RIPOR2: variants seen among roughly 807,000 people sequenced by gnomAD.
RIPOR2 encodes the protein RHO family interacting cell polarization regulator 2, also known as rho family-interacting cell polarization regulator 2.
In RIPOR2, 39 loss-of-function variants were observed where a neutral mutation model predicts 114.5. That is an observed-to-expected ratio of 0.34 (90% CI 0.26 to 0.44). RIPOR2 has a LOEUF of 0.44. RIPOR2 is among the 20% of genes least tolerant of loss of function. The probability of loss-of-function intolerance (pLI) is 1.00; values close to 1 mark genes in which losing one functional copy is unlikely to be tolerated. For missense variants in RIPOR2, 1,007 were observed against 1,255.1 expected, an observed-to-expected ratio of 0.80 and a Z score of 2.99; for synonymous variants, 445 against 484.4, an observed-to-expected ratio of 0.92 and a Z score of 1.07.
intron 1 of RIPOR2, among the ~76,000 whole-genome samples, chr6:24,913,173 GTGTGTA>G (rs768696063): frequency 2.1e-5 from 3 of 140,224 alleles, no homozygotes; most frequent in African/African-American, 5.4e-5. Context: ...GTGTGTGTGT[GTGTGTA>G]TGTGCACATA....
intron 1 of RIPOR2, among the ~76,000 whole-genome samples, chr6:24,933,646 C>T (rs1439038505): frequency 2.0e-5 from 3 of 152,290 alleles, no homozygotes; most frequent in African/African-American, 4.8e-5. Context: ...TGAAGTGCAA[C>T]GCAAACATTA....
At chr6:24,811,272 C>T (rs569856708) in intron 20 of RIPOR2, among the ~76,000 whole-genome samples, 23 of 111,160 alleles carry the variant, frequency 2.1e-4, no homozygotes, top group African/African-American at 8.2e-4. Context: ...GAGTCTCTGT[C>T]GCCCAGGTTG....
At chr6:24,853,271 C>T (rs1263770243) in intron 8 of RIPOR2, among the ~76,000 whole-genome samples, 2 of 152,192 alleles carry the variant, frequency 1.3e-5, no homozygotes, top group Non-Finnish European at 2.9e-5. Flanking sequence ...CTGTGCCATC[C>T]AGCAAGTCAT....
chr6:24,855,823 C>T (rs1383392930), intron 8 of RIPOR2, among the ~76,000 whole-genome samples: 1 of 152,050 alleles, frequency 6.6e-6, no homozygotes, highest in African/African-American at 2.4e-5. Context: ...CACTTGAGCC[C>T]AGGAGTTTGA....
At chr6:25,026,469 G>A (rs1288484851) in intron 1 of RIPOR2, among the ~76,000 whole-genome samples, 1 of 152,148 alleles carries the variant, frequency 6.6e-6, no homozygotes, top group Non-Finnish European at 1.5e-5. Context: ...AAAGCATTTT[G>A]GAAGCTCAAT....
intron 21 of RIPOR2, among the ~76,000 whole-genome samples, chr6:24,808,566 G>A (rs1780924149): frequency 6.6e-6 from 1 of 151,852 alleles, no homozygotes; most frequent in Admixed American, 6.6e-5. Flanking sequence ...ACAATAAATG[G>A]GATTTTCACA....
chr6:25,012,192 G>A (rs1274131059), intron 1 of RIPOR2, among the ~76,000 whole-genome samples: 1 of 152,178 alleles, frequency 6.6e-6, no homozygotes, highest in East Asian at 1.9e-4. Flanking sequence ...ATCCTGGTAA[G>A]ATGGTTAAAC....
At chr6:24,889,210 T>C (rs983067701) in intron 1 of RIPOR2, among the ~76,000 whole-genome samples, 1 of 152,186 alleles carries the variant, frequency 6.6e-6, no homozygotes, top group African/African-American at 2.4e-5. Flanking sequence ...TAGAGCTCAG[T>C]AACTTTGCTT....
chr6:24,840,234 G>A (rs375237888), intron 13 of RIPOR2: 152 of 1,002,660 alleles, frequency 1.5e-4, no homozygotes, highest in East Asian at 1.5e-3. Context: ...ATGAGCCACC[G>A]CACCTGCTCA....
At chr6:24,949,493 T>C (rs1378843935) in intron 1 of RIPOR2, among the ~76,000 whole-genome samples, 2 of 152,198 alleles carry the variant, frequency 1.3e-5, no homozygotes, top group African/African-American at 4.8e-5. Flanking sequence ...CTCAGGGCTT[T>C]TCAGGACATC....
intron 1 of RIPOR2, among the ~76,000 whole-genome samples, chr6:25,035,388 T>C (rs960926752): frequency 2.0e-5 from 3 of 152,184 alleles, no homozygotes; most frequent in Non-Finnish European, 2.9e-5. Flanking sequence ...ATTTTCCTGG[T>C]ATATCCTTCT....
At chr6:25,016,376 G>A (rs1340536655) in intron 1 of RIPOR2, among the ~76,000 whole-genome samples, 6 of 152,204 alleles carry the variant, frequency 3.9e-5, no homozygotes. Flanking sequence ...ATTTAAAGTA[G>A]AGAATAAGGA....
chr6:25,024,445 C>T (rs1776503636), intron 1 of RIPOR2: 1 of 934,304 alleles, frequency 1.1e-6, no homozygotes, highest in Non-Finnish European at 1.7e-6. Flanking sequence ...TCCAGGCCGC[C>T]ACCATAGGCC....
In RIPOR2 at chr6:24,912,760, AT is replaced by A. The variant is rs544522229; in HGVS notation, c.61+23077del. Among the ~76,000 whole-genome samples the A allele has an allele frequency of 9.9e-5, 15 of 152,230 alleles. No homozygotes were observed. The South Asian group carries it at 2.5e-3, about 25-fold the overall frequency. On this transcript the variant is annotated intron_variant, in intron 1 of 21. Coordinates refer to ENST00000643898, the MANE Select transcript of RIPOR2 (RefSeq NM_001286445.3). Reference sequence around the variant, plus strand: ...TCCACCCTGGAGAGAAGCCAACTGTATTTCCCCACCTTCCCACTCCCATCAC... The same window carrying A: ...TCCACCCTGGAGAGAAGCCAACTGTATTCCCCACCTTCCCACTCCCATCAC...
At chr6:24,825,126 A>G (rs1488129091) in intron 19 of RIPOR2, 100 bp downstream of exon 19, 5 of 907,372 alleles carry the variant, frequency 5.5e-6, no homozygotes, top group African/African-American at 1.7e-5. Context: ...TAATACGCAG[A>G]AAAATTATTT....
At chr6:24,861,502 A>ATAAT (rs1314740812) in intron 7 of RIPOR2, among the ~76,000 whole-genome samples, 13 of 152,226 alleles carry the variant, frequency 8.5e-5, no homozygotes, top group Non-Finnish European at 1.9e-4. Flanking sequence ...AATATGTTAT[A>ATAAT]TAATTCTATG....
At position 24,838,440 on chromosome 6, in the gene RIPOR2, A is replaced by G. The variant is rs191563560; in HGVS notation, c.2039+651T>C. On this transcript the variant is annotated intron_variant, in intron 14 of 21. Coordinates refer to ENST00000643898, the MANE Select transcript of RIPOR2 (RefSeq NM_001286445.3). The stretch of plus-strand genomic sequence containing the variant: ...GTAAGAGTTCTTCAGAAATGTGTAT[A>G]CCTAGTTAATTTGGAATTAATTACA... Among the ~76,000 whole-genome samples the G allele has an allele frequency of 1.9e-3, 290 of 152,292 alleles. 4 individuals are homozygous for G. Among genetic ancestry groups the G allele is most frequent in the African/African-American group, 6.4e-3 (264 of 41,560 alleles).
chr6:24,892,318 G>A (rs971569707), intron 1 of RIPOR2, among the ~76,000 whole-genome samples: 1 of 152,074 alleles, frequency 6.6e-6, no homozygotes, highest in Non-Finnish European at 1.5e-5. Context: ...GCCCAGGCTG[G>A]ATAGTATAAT....
upstream of RIPOR2, among the ~76,000 whole-genome samples, chr6:24,937,474 T>C (rs1313586415): frequency 6.6e-6 from 1 of 152,146 alleles, no homozygotes; most frequent in Non-Finnish European, 1.5e-5. Context: ...GCATCTCCCC[T>C]TTCTGACCCT....
Sources: allele counts gnomAD v4.1 joint callset (sites outside exome capture counted in the v4.1 genomes callset), GRCh38; gene constraint gnomAD v4.1.1; transcripts MANE v1.5; gene names NCBI Gene and HGNC (gene_info 2026-07-23, HGNC 2026-07-21).